The following ELMO2 variants were observed in gnomAD, a reference collection of about 807,000 sequenced individuals.
The protein encoded by ELMO2 is engulfment and cell motility 2, also known as engulfment and cell motility protein 2.
A neutral mutation model predicts 96.2 loss-of-function variants in ELMO2; 37 were observed. That is an observed-to-expected ratio of 0.38 (90% CI 0.30 to 0.51). The LOEUF is 0.51. Among genes scored for constraint, ELMO2 ranks in the 20% least tolerant of loss-of-function variants. The pLI is 0.88. For synonymous variants in ELMO2, 315 were observed against 329.4 expected (o/e 0.96, Z 0.47); for missense variants, 561 against 912.6 (o/e 0.61, Z 4.96).
At chr20:46,368,828 C>T in intron 21 of ELMO2, 63 bp downstream of exon 21, 1 of 1,584,008 alleles carries the variant, frequency 6.3e-7, no homozygotes, top group South Asian at 1.1e-5. Context: ...TTGCTCATTC[C>T]TGCCACCAAC....
chr20:46,394,144 G>A, intron 3 of ELMO2, 55 bp from the exon 4 acceptor site: 4 of 1,518,948 alleles, frequency 2.6e-6, no homozygotes, highest in South Asian at 1.1e-5. Flanking sequence ...CTCATGCCAA[G>A]GTTCTGACAA....
rs1489709022 is a variant in ELMO2 at position 46,389,036 on chromosome 20, C to T, written c.425+3G>A. 1 of 1,612,708 alleles carries T rather than the reference C, an allele frequency of 6.2e-7. No individual in the cohort carries two copies. The highest frequency in any genetic ancestry group is 1.3e-5 in the African/African-American group (1 of 74,904). Reference sequence around the variant, plus strand: ...CTTGGAACGAGACCTTAGTCATACTCACTGGGACAAGAGCTTGGTTCCACT... The same window carrying T: ...CTTGGAACGAGACCTTAGTCATACTTACTGGGACAAGAGCTTGGTTCCACT... On this transcript the variant is annotated splice_donor_region_variant and intron_variant, in intron 7 of 21. Transcript: ENST00000290246.
chr20:46,377,116 T>C, intron 11 of ELMO2: 1 of 232,276 alleles, frequency 4.3e-6, no homozygotes, highest in South Asian at 5.4e-5. Flanking sequence ...GCTCTGACTC[T>C]AGATCAATCT....
chr20:46,380,437 G>T, intron 10 of ELMO2, 134 bp from the exon 11 acceptor site: 1 of 705,788 alleles, frequency 1.4e-6, no homozygotes, highest in Non-Finnish European at 2.5e-6. Flanking sequence ...ATGAAAAGTG[G>T]GTGAATGAAC....
chr20:46,373,647 G>A (rs532278076), intron 15 of ELMO2, 112 bp from the exon 16 acceptor site: 54 of 1,405,078 alleles, frequency 3.8e-5, no homozygotes, highest in African/African-American at 2.6e-4. Flanking sequence ...AGCCTAAGGC[G>A]CGCAATTAAC....
rs1287203765 is a variant in ELMO2, at chr20:46,371,606, G to A, written c.1666C>T (p.Arg556Ter). The A allele has an allele frequency of 1.9e-6, 3 of 1,603,274 alleles. No homozygotes were observed. The highest frequency in any genetic ancestry group is 2.6e-6 in the Non-Finnish European group (3 of 1,175,810). ...TGCCTTCGGCGGTTCCCAATCTTTC[G>A]GAAGCTGCTGCCCTCACAGAGCCGG... Reference protein sequence around the residue: ...LNRLCEGSSFRKIGNRRRQER... With the variant: ...LNRLCEGSSF Residue 556 changes from arginine to a stop codon, truncating the protein, a stop_gained, in exon 18 of 22, where the codon CGA becomes TGA. Coordinates refer to ENST00000290246, the MANE Select transcript of ELMO2 (RefSeq NM_133171.5). LOFTEE classifies it high-confidence loss of function. This position sits in a 1 kb window ranked among gnomAD's most constrained non-coding sequence, Gnocchi z 5.9.
intron 9 of ELMO2, among the ~76,000 whole-genome samples, chr20:46,385,873 G>A (rs1240165906): frequency 6.6e-6 from 1 of 152,198 alleles, no homozygotes; most frequent in African/African-American, 2.4e-5. Context: ...CCTGGTATGG[G>A]AAGACTGGGA....
At position 46,371,217 on chromosome 20, in the gene ELMO2, G is replaced by A. The variant is rs943640596; in HGVS notation, c.1801+135C>T. Reference sequence around the variant, plus strand: ...CCGAGTAGGCCAGGTAGAGGAAATCGCTGACAGATAAGGAAACAGGTCCAG... The same window carrying A: ...CCGAGTAGGCCAGGTAGAGGAAATCACTGACAGATAAGGAAACAGGTCCAG... On this transcript the variant is annotated intron_variant, in intron 19 of 21. Transcript: ENST00000290246. The surrounding 1 kb of genome is among the most constrained non-coding windows in gnomAD (Gnocchi z 5.9). The A allele has an allele frequency of 7.2e-6, 6 of 828,396 alleles. No homozygotes were observed. Among genetic ancestry groups the A allele is most frequent in the South Asian group, 3.5e-5 (2 of 57,574 alleles). 51.3% of individuals were successfully genotyped at this position (828,396 alleles called of 1,614,324 possible). A position where few individuals can be genotyped will look rare whatever the true frequency, so the allele number is the denominator to read the frequency against.
At chr20:46,397,035 G>A (rs1231225786) in intron 2 of ELMO2, among the ~76,000 whole-genome samples, 2 of 152,092 alleles carry the variant, frequency 1.3e-5, no homozygotes, top group Non-Finnish European at 2.9e-5. Flanking sequence ...TCTGAACGCC[G>A]TCTTTGGAGA....
In ELMO2 at chr20:46,367,470, T is replaced by C; in HGVS notation, c.2053A>G (p.Met685Val). ...TCCAGGAGCCGCAGCTTCATCTCCATGCTCAGCAGGGTGTCCAGGTCACTC... is the reference window on the plus strand; with the variant it reads ...TCCAGGAGCCGCAGCTTCATCTCCACGCTCAGCAGGGTGTCCAGGTCACTC... ...TKSDLDTLLS[M>V]EMKLRLLDLE... The change falls in exon 22 of 22, where the codon ATG becomes GTG. Residue 685 changes from methionine (M) to valine (V), a missense_variant. Transcript: ENST00000290246. 6.2e-7 allele frequency: 1 copy of C among 1,613,732 alleles called. No individual in the cohort carries two copies. Among genetic ancestry groups the C allele is most frequent in the Non-Finnish European group, 8.5e-7 (1 of 1,179,900 alleles).
In ELMO2 at chr20:46,385,263, G is replaced by A. The variant is rs147127008; in HGVS notation, c.677+861C>T. ...GCAAAGTCCAGCTTCCTTACATGGTGTAGGTTGGTTGGAAGTGAGGTAAAA... is the reference window on the plus strand; with the variant it reads ...GCAAAGTCCAGCTTCCTTACATGGTATAGGTTGGTTGGAAGTGAGGTAAAA... On this transcript the variant is annotated intron_variant, in intron 9 of 21. Coordinates refer to ENST00000290246, the MANE Select transcript of ELMO2 (RefSeq NM_133171.5). 2.5e-3 allele frequency among the ~76,000 whole-genome samples: 384 copies of A among 152,358 alleles called. 8 individuals are homozygous for A. In the East Asian group the frequency reaches 0.057, roughly 22 times the overall value.
intron 1 of ELMO2, among the ~76,000 whole-genome samples, chr20:46,402,521 C>A (rs2060352978): frequency 6.6e-6 from 1 of 152,194 alleles, no homozygotes; most frequent in African/African-American, 2.4e-5. Context: ...TACAGATGAA[C>A]TTCAGAATTA....
Position 46,366,685 on chromosome 20 carries a change from T to C in ELMO2, c.*675A>G, listed in dbSNP as rs948426386. 3.3e-5 allele frequency: 5 copies of C among 152,638 alleles called. No homozygotes were observed. The highest frequency in any genetic ancestry group is 1.2e-4 in the African/African-American group (5 of 41,576). The allele number at this position is 152,638 out of a possible 1,614,324, so 9.5% of individuals were successfully genotyped here. The stretch of plus-strand genomic sequence containing the variant: ...CCTGGAGACTTAAGAGGGCAGGACT[T>C]GGCCAGGAGGTCTTTGACTTGCTGG... On this transcript the variant is annotated 3_prime_UTR_variant, in exon 22 of 22. Coordinates refer to ENST00000290246, the MANE Select transcript of ELMO2 (RefSeq NM_133171.5).
At position 46,393,540 on chromosome 20, in the gene ELMO2, T is replaced by G. The variant is rs1348339669; in HGVS notation, c.181A>C (p.Ile61Leu). The change falls in exon 5 of 22, where the codon ATC (isoleucine) becomes CTC (leucine). Residue 61 changes from isoleucine (I) to leucine (L), a missense_variant. Transcript: ENST00000290246. ...LRYADGPQLY[I>L]TEQTRSDIKN... Reference sequence around the variant, plus strand: ...CTCCCTGTACTAACCTGTTCGGTGATGTACAGCTGAGGACCATCTGCATAA... The same window carrying G: ...CTCCCTGTACTAACCTGTTCGGTGAGGTACAGCTGAGGACCATCTGCATAA... The G allele has an allele frequency of 6.2e-7, 1 of 1,614,080 alleles. No homozygotes were observed.
chr20:46,383,378 A>C, intron 10 of ELMO2, 38 bp downstream of exon 10: 1 of 1,582,208 alleles, frequency 6.3e-7, no homozygotes, highest in Non-Finnish European at 8.7e-7. Context: ...TTATCTCAGA[A>C]GAGCCCAGAT....
In ELMO2 at chr20:46,371,260, G is replaced by T; in HGVS notation, c.1801+92C>A. 2 of 1,278,618 alleles carry T rather than the reference G, an allele frequency of 1.6e-6. No homozygotes were observed. Among genetic ancestry groups the T allele is most frequent in the Non-Finnish European group, 2.2e-6 (2 of 890,566 alleles). The allele number at this position is 1,278,618 out of a possible 1,614,324, so 79.2% of individuals were successfully genotyped here. A position where few individuals can be genotyped will look rare whatever the true frequency, so the allele number is the denominator to read the frequency against. Reference sequence around the variant, plus strand: ...AGGTCCAGAGAGGTAACAGGTACAAGCCCAGATGATCAGCTACAAACAGCT... The same window carrying T: ...AGGTCCAGAGAGGTAACAGGTACAATCCCAGATGATCAGCTACAAACAGCT... On this transcript the variant is annotated intron_variant, in intron 19 of 21. Coordinates refer to ENST00000290246, the MANE Select transcript of ELMO2 (RefSeq NM_133171.5). The surrounding 1 kb of genome is among the most constrained non-coding windows in gnomAD (Gnocchi z 5.9).
At chr20:46,380,447 C>T (rs1414711291) in intron 10 of ELMO2, 144 bp from the exon 11 acceptor site, 11 of 670,798 alleles carry the variant, frequency 1.6e-5, no homozygotes, top group Admixed American at 9.1e-5. Context: ...GGTGAATGAA[C>T]GAAAATCCAC....
At chr20:46,398,148 G>GTTAAT in intron 2 of ELMO2, among the ~76,000 whole-genome samples, 1 of 152,078 alleles carries the variant, frequency 6.6e-6, no homozygotes, top group Admixed American at 6.6e-5. Flanking sequence ...ATGGTACTGG[G>GTTAAT]TAAGCACTTA....
At chr20:46,394,279 AG>A in intron 3 of ELMO2, 125 bp downstream of exon 3, 2 of 1,247,988 alleles carry the variant, frequency 1.6e-6, no homozygotes, top group Non-Finnish European at 2.3e-6. Flanking sequence ...CCAGGCCCAA[AG>A]CTTAGCCTTC....
Sources: gnomAD v4.1 joint callset for allele counts (sites outside exome capture counted in the v4.1 genomes callset) on GRCh38, gnomAD v4.1.1 for gene constraint, Gnocchi (gnomAD v3.1) non-coding constraint, MANE v1.5 for transcripts, NCBI Gene and HGNC (gene_info 2026-07-23, HGNC 2026-07-21) for gene names.